The following ANXA8 variants were observed in gnomAD, a reference collection of about 807,000 sequenced individuals.
ANXA8 encodes the protein VAC-beta.
A neutral mutation model predicts 26.8 loss-of-function variants in ANXA8; 9 were observed. That is an observed-to-expected ratio of 0.34 (90% CI 0.20 to 0.59). The LOEUF is 0.59. Ranked by LOEUF, ANXA8 falls within the 20% of genes least tolerant of loss-of-function variation. The pLI is 0.84. For synonymous variants in ANXA8, 39 were observed against 94.8 expected, an observed-to-expected ratio of 0.41 and a Z score of 3.42; for missense variants, 83 against 238.5, an observed-to-expected ratio of 0.35 and a Z score of 4.29.
chr10:47,684,618 C>T, the ANXA8 span, among the ~76,000 whole-genome samples: 1 of 151,738 alleles, frequency 6.6e-6, no homozygotes, highest in South Asian at 2.1e-4. Context: ...CAGAGTCTCG[C>T]TCTGTTGTCC....
chr10:47,603,534 C>T, the ANXA8 span, among the ~76,000 whole-genome samples: 5,551 of 142,102 alleles, frequency 0.039, 102 homozygotes, highest in East Asian at 0.15. Flanking sequence ...TTTTTTGAGA[C>T]GGAGTCTTGC....
chr10:47,525,301 G>C, the ANXA8 span, among the ~76,000 whole-genome samples: 1 of 134,216 alleles, frequency 7.5e-6, no homozygotes, highest in South Asian at 2.3e-4. Context: ...AGCTACTCAG[G>C]AGGCTGAGGC....
At chr10:47,741,012 G>A in the ANXA8 span, among the ~76,000 whole-genome samples, 1 of 151,306 alleles carries the variant, frequency 6.6e-6, no homozygotes, top group Non-Finnish European at 1.5e-5. Flanking sequence ...GTCAACATTT[G>A]AGATGTCAGT....
At chr10:47,555,032 T>G in the ANXA8 span, among the ~76,000 whole-genome samples, 1 of 151,020 alleles carries the variant, frequency 6.6e-6, no homozygotes, top group Admixed American at 6.6e-5. Context: ...CCTCACAGTA[T>G]CCCACTCTGA....
chr10:47,767,725 G>C, the ANXA8 span, among the ~76,000 whole-genome samples: 1 of 151,748 alleles, frequency 6.6e-6, no homozygotes, highest in Non-Finnish European at 1.5e-5. Flanking sequence ...CCCGTGAGAG[G>C]CTAATCAGGA....
the ANXA8 span, among the ~76,000 whole-genome samples, chr10:47,659,464 G>C: frequency 1.3e-5 from 2 of 151,516 alleles, no homozygotes; most frequent in Admixed American, 1.3e-4. Context: ...CGGATCACCT[G>C]AGGTCAGGAG....
chr10:47,695,914 G>A, the ANXA8 span, among the ~76,000 whole-genome samples: 4 of 151,824 alleles, frequency 2.6e-5, no homozygotes, highest in East Asian at 3.9e-4. Context: ...CTTTTAACTT[G>A]TGTGGAAGAT....
the ANXA8 span, among the ~76,000 whole-genome samples, chr10:47,643,459 G>T: frequency 6.8e-6 from 1 of 146,754 alleles, no homozygotes; most frequent in Non-Finnish European, 1.5e-5. Context: ...AACCCCAGAG[G>T]CAGAGGTTGC....
At chr10:47,766,014 G>A in the ANXA8 span, among the ~76,000 whole-genome samples, 234 of 150,802 alleles carry the variant, frequency 1.6e-3, 3 homozygotes, top group African/African-American at 5.4e-3. Flanking sequence ...TCATCCCCTC[G>A]TCCTCATGGT....
intron 8 of ANXA8, 117 bp downstream of exon 8, chr10:47,474,188 C>T: frequency 1.6e-6 from 1 of 609,656 alleles, no homozygotes; most frequent in South Asian, 2.0e-5. Flanking sequence ...GGGAAACAGT[C>T]CTGGGCTCCC....
chr10:47,944,961 C>T, the ANXA8 span, among the ~76,000 whole-genome samples: 1 of 148,892 alleles, frequency 6.7e-6, no homozygotes, highest in Admixed American at 6.7e-5. Flanking sequence ...CTTAAACTCT[C>T]TGCACTCTCT....
chr10:47,939,002 C>T, the ANXA8 span, among the ~76,000 whole-genome samples: 43 of 144,324 alleles, frequency 3.0e-4, 1 homozygote, highest in Non-Finnish European at 2.4e-4. Context: ...TCTGGACCTT[C>T]TTCCCCTCAG....
At chr10:47,660,327 A>G in the ANXA8 span, among the ~76,000 whole-genome samples, 1 of 150,490 alleles carries the variant, frequency 6.6e-6, no homozygotes, top group Non-Finnish European at 1.5e-5. Context: ...TGGGCATATT[A>G]TTATGCAAGT....
chr10:47,587,293 A>T, the ANXA8 span, among the ~76,000 whole-genome samples: 2 of 149,038 alleles, frequency 1.3e-5, no homozygotes, highest in African/African-American at 5.2e-5. Context: ...ATACCTGAGG[A>T]TGCCCATTTT....
chr10:47,628,511 C>A, the ANXA8 span, among the ~76,000 whole-genome samples: 13 of 151,082 alleles, frequency 8.6e-5, no homozygotes, highest in Non-Finnish European at 1.9e-4. Flanking sequence ...TTAGTATTGA[C>A]AATATTCATA....
At chr10:47,680,243 G>C in the ANXA8 span, among the ~76,000 whole-genome samples, 1 of 151,844 alleles carries the variant, frequency 6.6e-6, no homozygotes, top group Non-Finnish European at 1.5e-5. Flanking sequence ...ATAGTTAAGA[G>C]TAAAATATTA....
chr10:47,739,873 G>A, the ANXA8 span, among the ~76,000 whole-genome samples: 1 of 146,202 alleles, frequency 6.8e-6, no homozygotes, highest in East Asian at 2.0e-4. Context: ...TGGGAGGATT[G>A]CTTGAGGCCA....
the ANXA8 span, among the ~76,000 whole-genome samples, chr10:47,667,205 T>G: frequency 6.6e-6 from 1 of 152,052 alleles, no homozygotes; most frequent in Non-Finnish European, 1.5e-5. Context: ...GAGGCAAATA[T>G]TTGATACCTT....
At chr10:47,735,090 T>C in the ANXA8 span, among the ~76,000 whole-genome samples, 15 of 150,994 alleles carry the variant, frequency 9.9e-5, no homozygotes, top group Non-Finnish European at 2.1e-4. Context: ...GTTCCTTGTT[T>C]TTTGTTTTGT....
Sources: allele counts gnomAD v4.1 joint callset (sites outside exome capture counted in the v4.1 genomes callset), GRCh38; gene constraint gnomAD v4.1.1; transcripts MANE v1.5; gene names NCBI Gene and HGNC (gene_info 2026-07-23, HGNC 2026-07-21).